DCLK2: variants seen among roughly 807,000 people sequenced by gnomAD.
DCLK2 encodes the protein serine/threonine-protein kinase DCLK2.
Under a neutral mutation model 78.4 loss-of-function variants are expected in DCLK2, and 31 were observed. The ratio of observed to expected loss-of-function variants is 0.40; its 90% CI spans 0.30 to 0.53. The LOEUF is 0.53. DCLK2 is among the 20% of genes least tolerant of loss of function. DCLK2 has a pLI of 0.61. For missense variants in DCLK2, 872 were observed against 973.7 expected (o/e 0.90, Z 1.39); for synonymous variants, 407 against 374.9 (o/e 1.09, Z -0.99).
chr4:150,161,152 T>C (rs887698308), intron 2 of DCLK2, among the ~76,000 whole-genome samples: 2 of 152,192 alleles, frequency 1.3e-5, no homozygotes, highest in African/African-American at 2.4e-5. Context: ...AATGAAGATA[T>C]AGAAAACTTA....
At chr4:150,229,145 G>A (rs1485152191) in intron 8 of DCLK2, among the ~76,000 whole-genome samples, 1 of 152,080 alleles carries the variant, frequency 6.6e-6, no homozygotes, top group Non-Finnish European at 1.5e-5. Flanking sequence ...TTCGAGACCA[G>A]CCCTGGCAAT....
chr4:150,093,060 T>C (rs1730205062), intron 1 of DCLK2, among the ~76,000 whole-genome samples: 1 of 152,204 alleles, frequency 6.6e-6, no homozygotes, highest in Non-Finnish European at 1.5e-5. Flanking sequence ...ACAAAAATTG[T>C]TAAACTAATA....
intron 2 of DCLK2, among the ~76,000 whole-genome samples, chr4:150,171,207 G>A (rs28377121): frequency 0.033 from 5,045 of 152,292 alleles, 265 homozygotes; most frequent in African/African-American, 0.11. Flanking sequence ...TTGGCTGGGC[G>A]CGGTGGCTCA....
chr4:150,190,382 T>C (rs981650458), intron 2 of DCLK2, among the ~76,000 whole-genome samples: 2 of 152,046 alleles, frequency 1.3e-5, no homozygotes, highest in Non-Finnish European at 2.9e-5. Context: ...AAGAATCAGC[T>C]CTGAAGCTAA....
chr4:150,093,671 G>A lies in DCLK2; in HGVS notation c.422-8807G>A, dbSNP rs572983969. ...TGCTGGGATTACAGGCATAAACCAC[G>A]CCCAGCCTCAATGGCATTTTTTACA... On this transcript the variant is annotated intron_variant, in intron 1 of 15. Coordinates refer to ENST00000296550, the MANE Select transcript of DCLK2 (RefSeq NM_001040260.4). 2.6e-3 allele frequency among the ~76,000 whole-genome samples: 394 copies of A among 152,202 alleles called. 1 individual carries two copies. The highest frequency in any genetic ancestry group is 4.3e-3 in the Non-Finnish European group (294 of 67,996).
At chr4:150,240,556 G>A (rs1459396669) in intron 12 of DCLK2, 80 bp downstream of exon 12, 10 of 1,138,928 alleles carry the variant, frequency 8.8e-6, no homozygotes, top group Non-Finnish European at 1.2e-5. Context: ...GCTCCTGGAA[G>A]TCGGGACTGT....
Position 150,232,409 on chromosome 4 carries a change from G to A in DCLK2, c.1372G>A (p.Glu458Lys). 6.2e-7 allele frequency: 1 copy of A among 1,614,148 alleles called. No individual in the cohort carries two copies. The highest frequency in any genetic ancestry group is 8.5e-7 in the Non-Finnish European group (1 of 1,180,004). Residue 458 changes from glutamate (E) to lysine (K), a missense_variant, in exon 9 of 16, where the codon GAG becomes AAG. Glu to Lys is a moderately conservative substitution (Grantham distance 56, BLOSUM62 1). Transcript: ENST00000296550. ...TCCCAATATCATTATGCTGGTCGAG[G>A]AGATGGAAACAGCAACTGAGCTCTT... ...KHPNIIMLVEEMETATELFLV... is the reference protein window; with the variant it reads ...KHPNIIMLVEKMETATELFLV...
At chr4:150,223,095 A>G (rs1385312343) in intron 7 of DCLK2, among the ~76,000 whole-genome samples, 1 of 152,174 alleles carries the variant, frequency 6.6e-6, no homozygotes, top group Non-Finnish European at 1.5e-5. Flanking sequence ...GTGAAGCTTT[A>G]GTACTCCTTA....
chr4:150,208,197 C>T (rs572808983), intron 5 of DCLK2, among the ~76,000 whole-genome samples: 13 of 152,194 alleles, frequency 8.5e-5, no homozygotes, highest in African/African-American at 3.1e-4. Context: ...TGGGCCTAGT[C>T]AAGCAGAGGA....
Position 150,131,586 on chromosome 4 carries a change from C to A in DCLK2, c.756+28774C>A, listed in dbSNP as rs150561816. 7.0e-4 allele frequency among the ~76,000 whole-genome samples: 107 copies of A among 152,054 alleles called. 1 individual carries two copies. The highest frequency in any genetic ancestry group is 2.5e-3 in the African/African-American group (102 of 41,424). On this transcript the variant is annotated intron_variant, in intron 2 of 15. Transcript: ENST00000296550. ...ATCTTGTAAGAAAATAATTGGGGTCCCCTCTTAATGTTGAATTGGCTGTCT... is the reference window on the plus strand; with the variant it reads ...ATCTTGTAAGAAAATAATTGGGGTCACCTCTTAATGTTGAATTGGCTGTCT...
chr4:150,079,751 GTT>G (rs1729109302), intron 1 of DCLK2, among the ~76,000 whole-genome samples: 1 of 152,196 alleles, frequency 6.6e-6, no homozygotes, highest in Non-Finnish European at 1.5e-5. Flanking sequence ...AGTGCAAACT[GTT>G]TGAGAAAATG....
chr4:150,112,144 T>C (rs538177793), intron 2 of DCLK2, among the ~76,000 whole-genome samples: 12 of 152,290 alleles, frequency 7.9e-5, no homozygotes, highest in African/African-American at 2.4e-4. Flanking sequence ...CTTTCAGCAG[T>C]GTATTGTAGT....
At chr4:150,235,197 G>A (rs1419252625) in intron 10 of DCLK2, among the ~76,000 whole-genome samples, 1 of 152,100 alleles carries the variant, frequency 6.6e-6, no homozygotes, top group East Asian at 1.9e-4. Flanking sequence ...CTATAAACCA[G>A]GGAGTCCATT....
At chr4:150,142,520 A>G (rs1175788395) in intron 2 of DCLK2, among the ~76,000 whole-genome samples, 1 of 152,168 alleles carries the variant, frequency 6.6e-6, no homozygotes, top group East Asian at 1.9e-4. Flanking sequence ...TAAAGCATTA[A>G]TATTCATCAC....
At chr4:150,125,461 G>T (rs1732855204) in intron 2 of DCLK2, among the ~76,000 whole-genome samples, 1 of 152,096 alleles carries the variant, frequency 6.6e-6, no homozygotes, top group Non-Finnish European at 1.5e-5. Flanking sequence ...GATATTCAAA[G>T]AATATGATAT....
At chr4:150,253,960 G>C in intron 15 of DCLK2, 1 of 955,932 alleles carries the variant, frequency 1.0e-6, no homozygotes, top group Non-Finnish European at 1.2e-6. Context: ...GCCAGCCTTT[G>C]GGATAAGAGA....
At chr4:150,235,896 G>A (rs1283050561) in intron 10 of DCLK2, among the ~76,000 whole-genome samples, 6 of 152,202 alleles carry the variant, frequency 3.9e-5, no homozygotes, top group African/African-American at 9.7e-5. Context: ...GGAGATGTAT[G>A]GGTAGCTGTG....
chr4:150,212,377 T>C (rs1740384205), intron 5 of DCLK2, among the ~76,000 whole-genome samples: 1 of 152,200 alleles, frequency 6.6e-6, no homozygotes, highest in South Asian at 2.1e-4. Flanking sequence ...ACACTTCTTT[T>C]CGAAGCTGTG....
chr4:150,244,051 A>G (rs1306968701), intron 12 of DCLK2, among the ~76,000 whole-genome samples: 1 of 151,988 alleles, frequency 6.6e-6, no homozygotes, highest in African/African-American at 2.4e-5. Flanking sequence ...CTCCTCCCTC[A>G]GCCTCCTGAG....
Sources: allele counts gnomAD v4.1 joint callset (sites outside exome capture counted in the v4.1 genomes callset), GRCh38; gene constraint gnomAD v4.1.1; transcripts MANE v1.5; gene names NCBI Gene and HGNC (gene_info 2026-07-23, HGNC 2026-07-21).